Variants in SLC7A6 observed in about 807,000 individuals in gnomAD.
SLC7A6 encodes Y+L amino acid transporter 2.
In SLC7A6, 29 loss-of-function variants were observed where a neutral mutation model predicts 46.6. The ratio of observed to expected loss-of-function variants is 0.62; its 90% confidence interval spans 0.46 to 0.85. SLC7A6 has a LOEUF of 0.85. SLC7A6 is among the 40% of genes least tolerant of loss of function. The pLI is 0.00. For synonymous variants in SLC7A6, 276 were observed against 257.3 expected (o/e 1.07, Z -0.70); for missense variants, 527 against 647.6 (o/e 0.81, Z 2.02).
rs1173036584 is a variant in SLC7A6, at chr16:68,297,477, G to T, written c.*149G>T. 66 of 491,066 alleles carry T rather than the reference G, an allele frequency of 1.3e-4. No homozygotes were observed. The highest frequency in any genetic ancestry group is 3.5e-5 in the Non-Finnish European group (10 of 284,230). 30.4% of individuals were successfully genotyped at this position (491,066 alleles called of 1,614,324 possible). ...TCAGGGCCAGTGCTCACTCTTATTG[G>T]TAAGCTATAGGAGACTCAGGATCTG... On this transcript the variant is annotated 3_prime_UTR_variant, in exon 11 of 11. Coordinates refer to ENST00000219343, the MANE Select transcript of SLC7A6 (RefSeq NM_003983.6).
intron 2 of SLC7A6, among the ~76,000 whole-genome samples, chr16:68,267,086 C>T (rs1596962212): frequency 6.6e-6 from 1 of 152,160 alleles, no homozygotes; most frequent in East Asian, 1.9e-4. Flanking sequence ...AGGCGCCCGC[C>T]ACCATGCCCA....
chr16:68,294,946 C>A, intron 8 of SLC7A6, 145 bp downstream of exon 8: 1 of 591,264 alleles, frequency 1.7e-6, no homozygotes. Context: ...TCATTTAATT[C>A]TTTTATGGTT....
intron 3 of SLC7A6, among the ~76,000 whole-genome samples, chr16:68,278,617 A>G (rs566657541): frequency 1.4e-3 from 208 of 152,124 alleles, no homozygotes; most frequent in African/African-American, 4.8e-3. Flanking sequence ...TTCAGAGAGC[A>G]CCGGGTTGGG....
At position 68,297,549 on chromosome 16, in the gene SLC7A6, G is replaced by A. The variant is rs2043195211; in HGVS notation, c.*221G>A. On this transcript the variant is annotated 3_prime_UTR_variant, in exon 11 of 11. Coordinates refer to ENST00000219343, the MANE Select transcript of SLC7A6 (RefSeq NM_003983.6). ...TTCAGAGGGTGGGGGGAAGATTGGG[G>A]AACGGGGGGAATGGTCATTTAGTTT... 1.4e-5 allele frequency: 3 copies of A among 217,890 alleles called. No individual in the cohort carries two copies. The highest frequency in any genetic ancestry group is 5.4e-5 in the South Asian group (1 of 18,398). The allele number at this position is 217,890 out of a possible 1,614,324, so 13.5% of individuals were successfully genotyped here.
At chr16:68,281,964 T>G (rs1483408275) in intron 3 of SLC7A6, among the ~76,000 whole-genome samples, 1 of 152,160 alleles carries the variant, frequency 6.6e-6, no homozygotes, top group Non-Finnish European at 1.5e-5. Context: ...AGGGTGACAG[T>G]GAGCAGGAGG....
chr16:68,281,892 C>T (rs1443736728), intron 3 of SLC7A6, among the ~76,000 whole-genome samples: 5 of 152,194 alleles, frequency 3.3e-5, no homozygotes, highest in East Asian at 1.9e-4. Context: ...GCTGACACAG[C>T]GGCATCAAAG....
In SLC7A6 at chr16:68,294,946, C is replaced by G. The variant is rs184053300; in HGVS notation, c.1119+145C>G. 4 of 591,262 alleles carry G rather than the reference C, an allele frequency of 6.8e-6. 1 individual carries two copies. In the East Asian group the frequency reaches 1.2e-4, roughly 17 times the overall value. 36.6% of individuals were successfully genotyped at this position (591,262 alleles called of 1,614,324 possible). A position where few individuals can be genotyped will look rare whatever the true frequency, so the allele number is the denominator to read the frequency against. The stretch of plus-strand genomic sequence containing the variant: ...GTTCATTTTTTGTTGTCATTTAATT[C>G]TTTTATGGTTTTATTACGTTTAATT... On this transcript the variant is annotated intron_variant, in intron 8 of 10. Transcript: ENST00000219343.
intron 5 of SLC7A6, 85 bp downstream of exon 5, chr16:68,290,625 C>G: frequency 6.8e-7 from 1 of 1,473,400 alleles, no homozygotes; most frequent in East Asian, 2.3e-5. Context: ...CCTTCTCCTC[C>G]TCCCTCCGAC....
rs751425253 is a variant in SLC7A6 at position 68,274,747 on chromosome 16, G to C, written c.21G>C (p.Gly7=). ...TTGTCATGGAAGCCAGGGAGCCTGGGAGGCCCACACCCACCTACCATCTTG... is the reference window on the plus strand; with the variant it reads ...TTGTCATGGAAGCCAGGGAGCCTGGCAGGCCCACACCCACCTACCATCTTG... MEAREP[G]RPTPTYHLVP... Residue 7 remains glycine (G), a synonymous_variant, in exon 3 of 11, where the codon GGG becomes GGC. Coordinates refer to ENST00000219343, the MANE Select transcript of SLC7A6 (RefSeq NM_003983.6). 2 of 1,614,140 alleles carry C rather than the reference G, an allele frequency of 1.2e-6. No individual in the cohort carries two copies. Among genetic ancestry groups the C allele is most frequent in the East Asian group, 4.5e-5 (2 of 44,882 alleles).
chr16:68,284,566 A>G (rs1022106834), intron 3 of SLC7A6: 23 of 699,966 alleles, frequency 3.3e-5, no homozygotes, highest in Non-Finnish European at 4.0e-5. Flanking sequence ...TGTAATATTT[A>G]CCTGTGCACA....
chr16:68,275,144 C>T lies in SLC7A6; in HGVS notation c.418C>T (p.Gln140Ter). The T allele has an allele frequency of 6.2e-7, 1 of 1,614,118 alleles. No individual in the cohort carries two copies. The highest frequency in any genetic ancestry group is 8.5e-7 in the Non-Finnish European group (1 of 1,180,040). The change falls in exon 3 of 11, where the codon CAG (glutamine) becomes TAG (stop). Residue 140 changes from glutamine to a stop codon, truncating the protein, a stop_gained. Transcript: ENST00000219343. LOFTEE classifies it high-confidence loss of function. ...ACTGCTAGTTGTTGAGCCCACCGGT[C>T]AGGCCATCATCGCCATCACCTTTGC... ...VSLLVVEPTGQAIIAITFANY... is the reference protein window; with the variant it reads ...VSLLVVEPTG
Position 68,299,199 on chromosome 16 carries a change from G to A in SLC7A6, c.*1871G>A, listed in dbSNP as rs2043226458. The A allele has an allele frequency of 6.6e-6, 1 of 152,560 alleles. No homozygotes were observed. Among genetic ancestry groups the A allele is most frequent in the Non-Finnish European group, 1.5e-5 (1 of 68,024 alleles). 9.5% of individuals were successfully genotyped at this position (152,560 alleles called of 1,614,324 possible). A position where few individuals can be genotyped will look rare whatever the true frequency, so the allele number is the denominator to read the frequency against. ...TGAGCTAAGCTGGCACCCATCCCAG[G>A]GCTCCTCTGGAGCTAATCCTTTAAG... On this transcript the variant is annotated 3_prime_UTR_variant, in exon 11 of 11. Transcript: ENST00000219343.
At chr16:68,290,216 TCTTTCCCCTGCCTTCTTG>T in intron 4 of SLC7A6, 162 bp from the exon 5 acceptor site, 1 of 616,804 alleles carries the variant, frequency 1.6e-6, no homozygotes. Flanking sequence ...TGTTTTTTTT[TCTTTCCCCTGCCTTCTTG>T]TTTTTTCTTT....
chr16:68,301,578 C>G lies in SLC7A6; in HGVS notation c.*4250C>G. 1 of 519,468 alleles carries G rather than the reference C, an allele frequency of 1.9e-6. No individual in the cohort carries two copies. Among genetic ancestry groups the G allele is most frequent in the South Asian group, 3.3e-5 (1 of 30,434 alleles). 32.2% of individuals were successfully genotyped at this position (519,468 alleles called of 1,614,324 possible). A position where few individuals can be genotyped will look rare whatever the true frequency, so the allele number is the denominator to read the frequency against. On this transcript the variant is annotated 3_prime_UTR_variant, in exon 11 of 11. Coordinates refer to ENST00000219343, the MANE Select transcript of SLC7A6 (RefSeq NM_003983.6). ...TTTTTTTAAAGAAGGAATCACTTTCCTATCATCTAAACCAAGTTCCTTCAC... is the reference window on the plus strand; with the variant it reads ...TTTTTTTAAAGAAGGAATCACTTTCGTATCATCTAAACCAAGTTCCTTCAC...
At position 68,299,301 on chromosome 16, in the gene SLC7A6, A is replaced by C. The variant is rs1597016204; in HGVS notation, c.*1973A>C. 6.6e-6 allele frequency: 1 copy of C among 152,620 alleles called. No homozygotes were observed. The highest frequency in any genetic ancestry group is 2.1e-4 in the South Asian group (1 of 4,834). 9.5% of individuals were successfully genotyped at this position (152,620 alleles called of 1,614,324 possible). Reference sequence around the variant, plus strand: ...ACCAGATAACCAGCTAATCCCAGGAATTTGCTGCCCCCCACCAGTGGCTTC... The same window carrying C: ...ACCAGATAACCAGCTAATCCCAGGACTTTGCTGCCCCCCACCAGTGGCTTC... On this transcript the variant is annotated 3_prime_UTR_variant, in exon 11 of 11. Transcript: ENST00000219343.
At chr16:68,265,018 G>T (rs373103210) in intron 1 of SLC7A6, among the ~76,000 whole-genome samples, 1 of 152,230 alleles carries the variant, frequency 6.6e-6, no homozygotes, top group African/African-American at 2.4e-5. Context: ...CTGCGCCTCC[G>T]ACTGCAGGAC....
chr16:68,286,111 AAAAGAAGG>A (rs1670726252), intron 3 of SLC7A6, among the ~76,000 whole-genome samples: 1 of 151,626 alleles, frequency 6.6e-6, no homozygotes, highest in Admixed American at 6.6e-5. Flanking sequence ...AAAAAAAAAA[AAAAGAAGG>A]AAAGAAGGAA....
In SLC7A6 at chr16:68,275,518, C is replaced by T. The variant is rs1435184491; in HGVS notation, c.523+269C>T. Among the ~76,000 whole-genome samples, 6 of 149,916 alleles carry T rather than the reference C, an allele frequency of 4.0e-5. No homozygotes were observed. In the East Asian group the frequency reaches 1.2e-3, roughly 29 times the overall value. On this transcript the variant is annotated intron_variant, in intron 3 of 10. Coordinates refer to ENST00000219343, the MANE Select transcript of SLC7A6 (RefSeq NM_003983.6). Reference sequence around the variant, plus strand: ...GCTGAGGCAGGAGAATTGCTTGAACCCAGGAGGCGGAGGTTGTGGGGAGCG... The same window carrying T: ...GCTGAGGCAGGAGAATTGCTTGAACTCAGGAGGCGGAGGTTGTGGGGAGCG...
chr16:68,267,700 G>A (rs1166288070), intron 2 of SLC7A6, among the ~76,000 whole-genome samples: 1 of 152,184 alleles, frequency 6.6e-6, no homozygotes, highest in Admixed American at 6.5e-5. Context: ...TCAAAGTAAT[G>A]TCTTTTTGTA....
Sources: allele counts gnomAD v4.1 joint callset (sites outside exome capture counted in the v4.1 genomes callset), GRCh38; gene constraint gnomAD v4.1.1; transcripts MANE v1.5; gene names NCBI Gene and HGNC (gene_info 2026-07-23, HGNC 2026-07-21).